The following FUNDC1 variants were observed in gnomAD, a reference collection of about 807,000 sequenced individuals.
FUNDC1 encodes FUN14 domain containing 1, also known as FUN14 domain-containing protein 1.
FUNDC1 carries 10 observed loss-of-function variants against 14.5 expected under a neutral mutation model. The ratio of observed to expected loss-of-function variants is 0.69; its 90% CI spans 0.43 to 1.17. FUNDC1 has a LOEUF of 1.17. Ranked by LOEUF, FUNDC1 falls within the 50% of genes most tolerant of loss-of-function variation. The pLI, the probability that FUNDC1 is intolerant of heterozygous loss-of-function variation, is 0.00. For synonymous variants in FUNDC1, 33 were observed against 39.7 expected, an observed-to-expected ratio of 0.83 and a Z score of 0.64; for missense variants, 115 against 113.8, an observed-to-expected ratio of 1.01 and a Z score of -0.05.
intron 4 of FUNDC1, 65 bp from the exon 5 acceptor site, chrX:44,524,340 T>C: frequency 1.4e-6 from 1 of 737,134 alleles, no homozygotes; most frequent in Non-Finnish European, 2.1e-6. Flanking sequence ...CTTGAAAACA[T>C]TATGCAAAGT....
At chrX:44,524,453 T>C (rs760204619) in intron 4 of FUNDC1, among the ~76,000 whole-genome samples, 178 bp from the exon 5 acceptor site, 1 of 110,982 alleles carries the variant, frequency 9.0e-6, no homozygotes, top group Admixed American at 9.8e-5. Context: ...AGAGGGAAAC[T>C]GAAAATTAAT....
chrX:44,527,203 A>G, intron 4 of FUNDC1, 34 bp downstream of exon 4: 1 of 1,122,104 alleles, frequency 8.9e-7, no homozygotes, highest in Non-Finnish European at 1.2e-6. Context: ...AAAAGGAAAA[A>G]AAAAAAAAAA....
chrX:44,534,843 G>A (rs953642814), intron 3 of FUNDC1, among the ~76,000 whole-genome samples: 2 of 111,769 alleles, frequency 1.8e-5, no homozygotes, highest in African/African-American at 6.5e-5. Context: ...CAAAACAAGA[G>A]AATACATCAA....
chrX:44,525,751 G>A (rs183195726), intron 4 of FUNDC1, among the ~76,000 whole-genome samples: 2 of 109,862 alleles, frequency 1.8e-5, no homozygotes, highest in Admixed American at 1.9e-4. Flanking sequence ...AGGCTGAGGT[G>A]GGAGGATCAC....
chrX:44,536,220 G>A (rs1243260107), intron 3 of FUNDC1, among the ~76,000 whole-genome samples: 2 of 107,259 alleles, frequency 1.9e-5, no homozygotes, highest in Non-Finnish European at 3.8e-5. Flanking sequence ...TTGGGAGGCT[G>A]AGGCAGGAAA....
intron 3 of FUNDC1, among the ~76,000 whole-genome samples, chrX:44,534,589 T>C (rs1389239960): frequency 1.0e-4 from 10 of 100,484 alleles, no homozygotes; most frequent in African/African-American, 3.7e-4. Context: ...GAAAATCCTA[T>C]AAGCATTAAC....
At chrX:44,531,070 T>G (rs1348705571) in intron 3 of FUNDC1, among the ~76,000 whole-genome samples, 1 of 110,042 alleles carries the variant, frequency 9.1e-6, no homozygotes, top group Non-Finnish European at 1.9e-5. Context: ...GGCGAAATTC[T>G]GTCTCTACAA....
chrX:44,537,174 G>C (rs1179094307), intron 3 of FUNDC1, among the ~76,000 whole-genome samples: 1 of 111,912 alleles, frequency 8.9e-6, no homozygotes, highest in Non-Finnish European at 1.9e-5. Flanking sequence ...CGGAAAAGTG[G>C]GAGGTGGCAA....
Position 44,541,852 on chromosome X carries a change from T to A in FUNDC1, c.185+93A>T, listed in dbSNP as rs186290129. 3.0e-5 allele frequency: 23 copies of A among 774,787 alleles called. No individual in the cohort carries two copies. The East Asian group carries it at 7.1e-4, about 24-fold the overall frequency. 63.9% of individuals were successfully genotyped at this position (774,787 alleles called of 1,213,427 possible). On this transcript the variant is annotated intron_variant, in intron 2 of 4. Transcript: ENST00000378045. ...TCTTCTGGAATTAACAGTGTAGACC[T>A]ACTGCCTGTGCACGGTGATTCTTGC... is the stretch of plus-strand genomic sequence containing the variant.
chrX:44,525,888 A>AT lies in FUNDC1; in HGVS notation c.390+1348dup, dbSNP rs1343527476. Among the ~76,000 whole-genome samples the AT allele has an allele frequency of 2.3e-3, 248 of 106,154 alleles. 3 individuals are homozygous for AT. In the East Asian group the frequency reaches 0.033, roughly 14 times the overall value. The allele number at this position is 106,154 out of a possible 115,157, so 92.2% of individuals were successfully genotyped here. On this transcript the variant is annotated intron_variant, in intron 4 of 4. Coordinates refer to ENST00000378045, the MANE Select transcript of FUNDC1 (RefSeq NM_173794.4). ...AGGAAATACTATTATCTCATGTTAC[A>AT]TTTTTTTTTTATTAATAATGGCATT...
Position 44,531,323 on chromosome X carries a change from C to A in FUNDC1, c.262-3958G>T, listed in dbSNP as rs868481746. ...AAGATTCATGTTGGCCAGACACACACACACACACACACACACACACACACA... is the reference window on the plus strand; with the variant it reads ...AAGATTCATGTTGGCCAGACACACAAACACACACACACACACACACACACA... On this transcript the variant is annotated intron_variant, in intron 3 of 4. Transcript: ENST00000378045. 1.2e-3 allele frequency among the ~76,000 whole-genome samples: 62 copies of A among 50,219 alleles called. 1 individual carries two copies. Among genetic ancestry groups the A allele is most frequent in the Non-Finnish European group, 1.6e-3 (54 of 33,028 alleles). 43.6% of individuals were successfully genotyped at this position (50,219 alleles called of 115,157 possible).
chrX:44,525,814 C>T (rs903706651), intron 4 of FUNDC1, among the ~76,000 whole-genome samples: 5 of 110,537 alleles, frequency 4.5e-5, no homozygotes, highest in Non-Finnish European at 9.5e-5. Context: ...CATTGCACTC[C>T]AGCCTGGGTG....
Position 44,531,302 on chromosome X carries a change from T to C in FUNDC1, c.262-3937A>G, listed in dbSNP as rs1173004967. Among the ~76,000 whole-genome samples, 16 of 29,977 alleles carry C rather than the reference T, an allele frequency of 5.3e-4. 1 individual carries two copies. Among genetic ancestry groups the C allele is most frequent in the South Asian group, 1.5e-3 (1 of 654 alleles). The allele number at this position is 29,977 out of a possible 115,157, so 26.0% of individuals were successfully genotyped here. On this transcript the variant is annotated intron_variant, in intron 3 of 4. Transcript: ENST00000378045. ...CACACACACGGCTTTCAGATGAAGA[T>C]TCATGTTGGCCAGACACACACACAC... is the stretch of plus-strand genomic sequence containing the variant.
chrX:44,539,657 TATTTA>T (rs1207490911), intron 2 of FUNDC1, among the ~76,000 whole-genome samples: 1 of 111,611 alleles, frequency 9.0e-6, no homozygotes, highest in East Asian at 2.8e-4. Flanking sequence ...AAATTTCTGT[TATTTA>T]ATTTAATTAA....
At chrX:44,541,638 C>T (rs1385799539) in intron 2 of FUNDC1, among the ~76,000 whole-genome samples, 1 of 111,338 alleles carries the variant, frequency 9.0e-6, no homozygotes, top group East Asian at 2.8e-4. Flanking sequence ...TATATTTCTT[C>T]CTATCTACTA....
At chrX:44,540,405 ATGTGTGTGT>A (rs1490454570) in intron 2 of FUNDC1, among the ~76,000 whole-genome samples, 2 of 92,745 alleles carry the variant, frequency 2.2e-5, no homozygotes, top group Admixed American at 2.3e-4. Context: ...TGTAATCCAA[ATGTGTGTGT>A]TGTGTGTGTG....
At chrX:44,526,513 A>G (rs1406994197) in intron 4 of FUNDC1, among the ~76,000 whole-genome samples, 1 of 110,001 alleles carries the variant, frequency 9.1e-6, no homozygotes, top group Non-Finnish European at 1.9e-5. Context: ...TCATAGTTGT[A>G]TAAGAGAATA....
intron 3 of FUNDC1, among the ~76,000 whole-genome samples, chrX:44,530,328 G>A (rs748907905): frequency 3.6e-5 from 4 of 112,088 alleles, no homozygotes; most frequent in Non-Finnish European, 5.6e-5. Flanking sequence ...ATTCCAGGCC[G>A]GGCTCCGTGG....
At chrX:44,535,571 G>A (rs1390413613) in intron 3 of FUNDC1, among the ~76,000 whole-genome samples, 3 of 105,546 alleles carry the variant, frequency 2.8e-5, no homozygotes, top group African/African-American at 1.0e-4. Flanking sequence ...TTGAGAGGCC[G>A]AGGCAGGAGA....
Sources: gnomAD v4.1 joint callset for allele counts (sites outside exome capture counted in the v4.1 genomes callset) on GRCh38, gnomAD v4.1.1 for gene constraint, MANE v1.5 for transcripts, NCBI Gene and HGNC (gene_info 2026-07-23, HGNC 2026-07-21) for gene names.